The following SORL1 variants were observed in gnomAD, a reference collection of about 807,000 sequenced individuals.
SORL1 encodes sortilin-related receptor.
Under a neutral mutation model 273.7 loss-of-function variants are expected in SORL1, and 127 were observed. The observed-to-expected ratio is 0.46, with a 90% CI of 0.40 to 0.54. The LOEUF (loss-of-function observed/expected upper bound fraction) is 0.54. Ranked by LOEUF, SORL1 falls within the 20% of genes least tolerant of loss-of-function variation. The pLI, the probability that SORL1 is intolerant of heterozygous loss-of-function variation, is 0.00. For missense variants in SORL1, 2,494 were observed against 2,846.1 expected (o/e 0.88, Z 2.81); for synonymous variants, 1,031 against 1,067.4 (o/e 0.97, Z 0.66).
intron 27 of SORL1, among the ~76,000 whole-genome samples, chr11:121,586,693 T>TGGGGG (rs376563096): frequency 6.2e-5 from 6 of 97,148 alleles, no homozygotes; most frequent in Admixed American, 1.2e-4. Context: ...GGGGGTAGAG[T>TGGGGG]GGGGGGGGGG....
At chr11:121,589,477 A>C in intron 29 of SORL1, 87 bp downstream of exon 29, 1 of 1,525,988 alleles carries the variant, frequency 6.6e-7, no homozygotes, top group East Asian at 2.3e-5. Context: ...CGGCAACCCC[A>C]CTGCAGACTT....
At position 121,632,185 on chromosome 11, in the gene SORL1, T is replaced by C. The variant is rs1131499; in HGVS notation, c.*2622T>C. The stretch of plus-strand genomic sequence containing the variant: ...TGGCATACATTAGAATGTCAGATGC[T>C]TGCATCCATGTGGACCACGATGGGC... On this transcript the variant is annotated 3_prime_UTR_variant, in exon 48 of 48. Coordinates refer to ENST00000260197, the MANE Select transcript of SORL1 (RefSeq NM_003105.6). 0.35 allele frequency: 53,423 copies of C among 152,090 alleles called. 11,030 individuals carry two copies. Among genetic ancestry groups the C allele is most frequent in the East Asian group, 0.58 (2,989 of 5,170 alleles). 9.4% of individuals were successfully genotyped at this position (152,090 alleles called of 1,614,324 possible).
At chr11:121,524,119 G>A (rs899848097) in intron 11 of SORL1, among the ~76,000 whole-genome samples, 1 of 152,190 alleles carries the variant, frequency 6.6e-6, no homozygotes, top group African/African-American at 2.4e-5. Flanking sequence ...TGTAGTCAGA[G>A]TGCAAACAGT....
intron 7 of SORL1, 123 bp from the exon 8 acceptor site, chr11:121,514,029 C>A: frequency 9.2e-7 from 1 of 1,087,718 alleles, no homozygotes; most frequent in Non-Finnish European, 1.3e-6. Flanking sequence ...GGGAGCTTCC[C>A]GTGGGCTTTA....
chr11:121,532,527 C>G lies in SORL1; in HGVS notation c.1660C>G (p.Gln554Glu), dbSNP rs151139180. 67 of 1,613,986 alleles carry G rather than the reference C, an allele frequency of 4.2e-5. 1 individual carries two copies. The African/African-American group carries it at 8.1e-4, about 20-fold the overall frequency. The change falls in exon 12 of 48, where the codon CAG becomes GAG. Residue 554 changes from glutamine (Q) to glutamate (E), a missense_variant. Gln to Glu is a conservative substitution (Grantham distance 29). This residue lies in a region of SORL1 where 710 missense variants were observed against 882.5 expected (regional missense o/e 0.80). Coordinates refer to ENST00000260197, the MANE Select transcript of SORL1 (RefSeq NM_003105.6). ...CGGCGGAATCATCACGGCCATTGCC[C>G]AGGGCATGGAAACCAACGAGCTAAA... ...DHGGIITAIA[Q>E]GMETNELKYS...
chr11:121,615,480 C>G (rs1310086021), intron 41 of SORL1, among the ~76,000 whole-genome samples: 1 of 152,138 alleles, frequency 6.6e-6, no homozygotes, highest in Non-Finnish European at 1.5e-5. Flanking sequence ...TTCCATATAG[C>G]ATGATATTTC....
Position 121,452,565 on chromosome 11 carries a change from G to T in SORL1, c.234G>T (p.Arg78=). ...GCCGCGCGGACGAGAAGCCGCTCCG[G>T]AGGAAACGGAGCGCTGCCCTGCAGC... is the stretch of plus-strand genomic sequence containing the variant. ...GASRADEKPL[R]RKRSAALQPE... is the part of the protein sequence containing the mutation. The change falls in exon 1 of 48, where the codon CGG becomes CGT. Residue 78 remains arginine, a synonymous_variant. Transcript: ENST00000260197. This position sits in a 1 kb window ranked among gnomAD's most constrained non-coding sequence, Gnocchi z 5.3. The T allele has an allele frequency of 2.0e-6, 3 of 1,517,562 alleles. No homozygotes were observed. The highest frequency in any genetic ancestry group is 8.8e-7 in the Non-Finnish European group (1 of 1,140,338). The allele number at this position is 1,517,562 out of a possible 1,614,324, so 94.0% of individuals were successfully genotyped here.
Position 121,488,028 on chromosome 11 carries a change from G to T in SORL1, c.529-4G>T. On this transcript the variant is annotated splice_polypyrimidine_tract_variant and splice_region_variant and intron_variant, in intron 3 of 47. Transcript: ENST00000260197. ...GCTCTCAACTTACCTGTTTTCCCTT[G>T]CAGTACATCTTTGCAGACGCTTATG... 1 of 1,614,008 alleles carries T rather than the reference G, an allele frequency of 6.2e-7. No homozygotes were observed. The highest frequency in any genetic ancestry group is 1.1e-5 in the South Asian group (1 of 91,070).
At position 121,583,491 on chromosome 11, in the gene SORL1, A is replaced by C; in HGVS notation, c.3614A>C (p.Gln1205Pro). The change falls in exon 26 of 48, where the codon CAG (glutamine) becomes CCG (proline). Residue 1205 changes from glutamine to proline, a missense_variant. Physicochemically the swap from Gln to Pro is moderately conservative, Grantham distance 76 (BLOSUM62 -1). This residue lies in a region of SORL1 where 1,609 missense variants were observed against 1,816.4 expected (regional missense o/e 0.89). Transcript: ENST00000260197. ...IYHTCEASNF[Q>P]CRNGHCIPQR... ...CACACCTGTGAGGCCTCCAACTTCC[A>C]GTGCCGAAACGGGCACTGCATCCCC... The C allele has an allele frequency of 6.2e-7, 1 of 1,613,032 alleles. No homozygotes were observed.
chr11:121,568,882 A>G (rs1862792181), intron 22 of SORL1, among the ~76,000 whole-genome samples: 4 of 152,186 alleles, frequency 2.6e-5, no homozygotes, highest in Admixed American at 6.5e-5. Flanking sequence ...AGAGGCTAGT[A>G]TGGGACATTT....
At chr11:121,493,652 A>T (rs1384169850) in intron 5 of SORL1, among the ~76,000 whole-genome samples, 4 of 152,198 alleles carry the variant, frequency 2.6e-5, no homozygotes, top group Non-Finnish European at 5.9e-5. Flanking sequence ...GTGATATGAG[A>T]TAGATCGTAT....
intron 25 of SORL1, 145 bp downstream of exon 25, chr11:121,577,545 G>A (rs3781835): frequency 0.021 from 18,472 of 880,738 alleles, 363 homozygotes; most frequent in East Asian, 0.088. Flanking sequence ...CAAAGAGCTG[G>A]TCTTTGATGA....
chr11:121,515,332 G>A (rs1029323090), intron 8 of SORL1, among the ~76,000 whole-genome samples: 19 of 152,232 alleles, frequency 1.2e-4, no homozygotes, highest in Admixed American at 8.5e-4. Flanking sequence ...ATCAGGGGAT[G>A]GGGATTTGCA....
chr11:121,495,393 G>T (rs1456107970), intron 5 of SORL1, among the ~76,000 whole-genome samples: 1 of 152,128 alleles, frequency 6.6e-6, no homozygotes, highest in African/African-American at 2.4e-5. Context: ...ACTACATCTG[G>T]CAAAAGAGGT....
At chr11:121,565,939 A>G (rs189301251) in intron 21 of SORL1, among the ~76,000 whole-genome samples, 105 of 152,312 alleles carry the variant, frequency 6.9e-4, no homozygotes, top group African/African-American at 2.4e-3. Flanking sequence ...ACTAGTCCTT[A>G]CCTGAACACA....
intron 32 of SORL1, among the ~76,000 whole-genome samples, chr11:121,599,310 C>T (rs1163709607): frequency 2.0e-5 from 3 of 152,176 alleles, no homozygotes; most frequent in African/African-American, 7.2e-5. Flanking sequence ...TTTGGGAGGC[C>T]AAGGCGGGTG....
Position 121,524,215 on chromosome 11 carries a change from C to T in SORL1, c.1596+1226C>T, listed in dbSNP as rs146773805. On this transcript the variant is annotated intron_variant, in intron 11 of 47. Coordinates refer to ENST00000260197, the MANE Select transcript of SORL1 (RefSeq NM_003105.6). ...TTCCCCTTTCGTGGAGCTGGACGCT[C>T]CCTTTGAAATGGGGTATCCTCTTCT... Among the ~76,000 whole-genome samples, 9 of 152,366 alleles carry T rather than the reference C, an allele frequency of 5.9e-5. No homozygotes were observed. The East Asian group carries it at 1.7e-3, about 29-fold the overall frequency.
intron 34 of SORL1, 38 bp downstream of exon 34, chr11:121,605,277 T>C (rs776309405): frequency 3.1e-6 from 5 of 1,596,706 alleles, no homozygotes; most frequent in Non-Finnish European, 4.3e-6. Context: ...GAAAATGATG[T>C]CTTCATTGCC....
chr11:121,610,892 G>A (rs927221639), intron 38 of SORL1, 184 bp from the exon 39 acceptor site: 3 of 544,154 alleles, frequency 5.5e-6, no homozygotes, highest in Non-Finnish European at 9.9e-6. Flanking sequence ...CCAAGCAACT[G>A]TGGACCAACC....
Sources: gnomAD v4.1 joint callset for allele counts (sites outside exome capture counted in the v4.1 genomes callset) on GRCh38, gnomAD v4.1.1 for gene constraint, gnomAD v4.1.1 regional missense constraint, Gnocchi (gnomAD v3.1) non-coding constraint, MANE v1.5 for transcripts, NCBI Gene and HGNC (gene_info 2026-07-23, HGNC 2026-07-21) for gene names.